MAP3K4: variants seen among roughly 807,000 people sequenced by gnomAD.
MAP3K4 encodes MAP three kinase 1.
A neutral mutation model predicts 185.6 loss-of-function variants in MAP3K4; 67 were observed. That is an observed-to-expected ratio of 0.36 (90% CI 0.30 to 0.44). The LOEUF (loss-of-function observed/expected upper bound fraction) is 0.44, where lower values mean the gene tolerates loss of function less well. MAP3K4 is among the 20% of genes least tolerant of loss of function. MAP3K4 has a pLI of 1.00. For synonymous variants in MAP3K4, 702 were observed against 710.4 expected (o/e 0.99, Z 0.19); for missense variants, 1,551 against 1,995.1 (o/e 0.78, Z 4.24).
intron 2 of MAP3K4, among the ~76,000 whole-genome samples, chr6:161,045,951 G>A (rs924127931): frequency 1.3e-5 from 2 of 152,068 alleles, no homozygotes; most frequent in African/African-American, 4.8e-5. Context: ...TTTCTTGGAT[G>A]TTCTTATCTA....
Position 161,070,458 on chromosome 6 carries a change from T to A in MAP3K4, c.1708-150T>A. Reference sequence around the variant, plus strand: ...GTTGAAAATGTTGAAGTTATTAAATTCATTAAATTATTAAATATTCTTTTC... The same window carrying A: ...GTTGAAAATGTTGAAGTTATTAAATACATTAAATTATTAAATATTCTTTTC... On this transcript the variant is annotated intron_variant, in intron 3 of 26. Coordinates refer to ENST00000392142, the MANE Select transcript of MAP3K4 (RefSeq NM_005922.4). The surrounding 1 kb of genome is among the most constrained non-coding windows in gnomAD (Gnocchi z 4.5). 1.8e-6 allele frequency: 1 copy of A among 552,796 alleles called. No homozygotes were observed. The highest frequency in any genetic ancestry group is 4.2e-5 in the South Asian group (1 of 23,686). The allele number at this position is 552,796 out of a possible 1,614,324, so 34.2% of individuals were successfully genotyped here. A position where few individuals can be genotyped will look rare whatever the true frequency, so the allele number is the denominator to read the frequency against.
At chr6:161,058,384 C>T (rs1351811682) in intron 3 of MAP3K4, among the ~76,000 whole-genome samples, 1 of 152,226 alleles carries the variant, frequency 6.6e-6, no homozygotes, top group Admixed American at 6.5e-5. Flanking sequence ...TTATGGCCAC[C>T]CAAGTACACC....
Position 161,073,710 on chromosome 6 carries a change from C to T in MAP3K4, c.2097+98C>T. Reference sequence around the variant, plus strand: ...TTGTTTTGCAAACAGCGTTGGCATACATATTCAGATAAACTTCTCTAGTAA... The same window carrying T: ...TTGTTTTGCAAACAGCGTTGGCATATATATTCAGATAAACTTCTCTAGTAA... On this transcript the variant is annotated intron_variant, in intron 5 of 26. Coordinates refer to ENST00000392142, the MANE Select transcript of MAP3K4 (RefSeq NM_005922.4). The surrounding 1 kb of genome is among the most constrained non-coding windows in gnomAD (Gnocchi z 4.2). 8.1e-7 allele frequency: 1 copy of T among 1,234,482 alleles called. No homozygotes were observed. Among genetic ancestry groups the T allele is most frequent in the Non-Finnish European group, 1.1e-6 (1 of 897,136 alleles). The allele number at this position is 1,234,482 out of a possible 1,614,324, so 76.5% of individuals were successfully genotyped here.
Position 161,101,832 on chromosome 6 carries a change from A to G in MAP3K4, c.3675-60A>G. ...AATTATTGCTCTAGAAAAATCTCGC[A>G]GATCTTTCATTTTAAGTTCTATTGA... On this transcript the variant is annotated intron_variant, in intron 17 of 26. Transcript: ENST00000392142. The surrounding 1 kb of genome is among the most constrained non-coding windows in gnomAD (Gnocchi z 5.1). The G allele has an allele frequency of 7.0e-7, 1 of 1,427,632 alleles. No homozygotes were observed. The highest frequency in any genetic ancestry group is 9.8e-7 in the Non-Finnish European group (1 of 1,018,444). The allele number at this position is 1,427,632 out of a possible 1,614,324, so 88.4% of individuals were successfully genotyped here.
At chr6:161,005,850 C>G in intron 1 of MAP3K4, among the ~76,000 whole-genome samples, 1 of 152,048 alleles carries the variant, frequency 6.6e-6, no homozygotes, top group East Asian at 1.9e-4. Context: ...TGCAGTGGTG[C>G]AATCTTGGCT....
At chr6:161,042,118 C>T (rs1386530692) in intron 2 of MAP3K4, among the ~76,000 whole-genome samples, 4 of 151,680 alleles carry the variant, frequency 2.6e-5, no homozygotes, top group African/African-American at 9.7e-5. Context: ...GAAAATCTCC[C>T]TTTTGATTAA....
chr6:161,049,427 C>A lies in MAP3K4; in HGVS notation c.1155C>A (p.Asp385Glu). Residue 385 changes from aspartate (D) to glutamate (E), a missense_variant, in exon 3 of 27, where the codon GAC becomes GAA. By Grantham distance (45) the Asp-to-Glu change is conservative. Coordinates refer to ENST00000392142, the MANE Select transcript of MAP3K4 (RefSeq NM_005922.4). The surrounding 1 kb of genome is among the most constrained non-coding windows in gnomAD (Gnocchi z 8.4). ...ACTATGAAAAATATGCTGCAAAAGA[C>A]TTCCAGGACAGGGTGCAGGCACTCT... Reference protein sequence around the residue: ...QKDYEKYAAKDFQDRVQALCL... With the variant: ...QKDYEKYAAKEFQDRVQALCL... The A allele has an allele frequency of 1.2e-5, 19 of 1,614,064 alleles. No homozygotes were observed. The highest frequency in any genetic ancestry group is 1.6e-5 in the Non-Finnish European group (19 of 1,179,956).
intron 1 of MAP3K4, among the ~76,000 whole-genome samples, chr6:161,024,487 T>C (rs1782547558): frequency 6.6e-6 from 1 of 152,224 alleles, no homozygotes; most frequent in Admixed American, 6.5e-5. Flanking sequence ...CCAGATCCCA[T>C]CCAGGGACCA....
Position 161,049,194 on chromosome 6 carries a change from T to C in MAP3K4, c.922T>C (p.Phe308Leu), listed in dbSNP as rs111680846. The C allele has an allele frequency of 6.2e-7, 1 of 1,614,038 alleles. No individual in the cohort carries two copies. The highest frequency in any genetic ancestry group is 8.5e-7 in the Non-Finnish European group (1 of 1,179,908). ...TACTTTCAAAGTCGACTATGGGAGC[T>C]TCGCCTTTGTTAGAGATAGAGCTGG... ...ILTFKVDYGS[F>L]AFVRDRAGFN... Residue 308 changes from phenylalanine to leucine, a missense_variant, in exon 3 of 27, where the codon TTC becomes CTC. This residue lies in a region of MAP3K4 where 69 missense variants were observed against 124.8 expected (regional missense o/e 0.55). Transcript: ENST00000392142. The surrounding 1 kb of genome is among the most constrained non-coding windows in gnomAD (Gnocchi z 8.4).
At chr6:160,995,009 G>A (rs1483760587) in intron 1 of MAP3K4, among the ~76,000 whole-genome samples, 1 of 152,222 alleles carries the variant, frequency 6.6e-6, no homozygotes, top group Admixed American at 6.5e-5. Flanking sequence ...AGTTTTTTAA[G>A]GAATCTCCAT....
In MAP3K4 at chr6:161,098,318, CCTGCTGCTGCTGCTGCTG is replaced by C. The variant is rs5881391; in HGVS notation, c.3581_3598del (p.Ala1194_Ala1199del). 90 of 1,516,786 alleles carry C rather than the reference CCTGCTGCTGCTGCTGCTG, an allele frequency of 5.9e-5. No individual in the cohort carries two copies. In the South Asian group the frequency reaches 8.8e-4, roughly 15 times the overall value. 94.0% of individuals were successfully genotyped at this position (1,516,786 alleles called of 1,614,324 possible). On this transcript the variant is annotated inframe_deletion, in exon 17 of 27. Transcript: ENST00000392142. The surrounding 1 kb of genome is among the most constrained non-coding windows in gnomAD (Gnocchi z 4.4). ...TTCCGACGCGCGGAGCCATGGCAGC[CCTGCTGCTGCTGCTGCTG>C]CTGCTGCTGCTGCTGTTGCTGCCAG... is the stretch of plus-strand genomic sequence containing the variant.
At chr6:161,016,015 T>C (rs1042283878) in intron 1 of MAP3K4, among the ~76,000 whole-genome samples, 6 of 152,234 alleles carry the variant, frequency 3.9e-5, no homozygotes, top group Non-Finnish European at 7.3e-5. Flanking sequence ...TATAAATTCA[T>C]GTATAATGAT....
chr6:161,091,936 A>G lies in MAP3K4; in HGVS notation c.3136-74A>G. The G allele has an allele frequency of 8.1e-7, 1 of 1,228,874 alleles. No homozygotes were observed. Among genetic ancestry groups the G allele is most frequent in the Non-Finnish European group, 1.2e-6 (1 of 862,390 alleles). The allele number at this position is 1,228,874 out of a possible 1,614,324, so 76.1% of individuals were successfully genotyped here. A position where few individuals can be genotyped will look rare whatever the true frequency, so the allele number is the denominator to read the frequency against. ...TTTTTGTTTTTAGAAAACATTTTAG[A>G]CATGGCATTATAGTGTGTGATATTA... On this transcript the variant is annotated intron_variant, in intron 12 of 26. Coordinates refer to ENST00000392142, the MANE Select transcript of MAP3K4 (RefSeq NM_005922.4). This position sits in a 1 kb window ranked among gnomAD's most constrained non-coding sequence, Gnocchi z 5.5.
Position 161,091,954 on chromosome 6 carries a change from T to C in MAP3K4, c.3136-56T>C. The C allele has an allele frequency of 1.4e-6, 2 of 1,410,312 alleles. No homozygotes were observed. Among genetic ancestry groups the C allele is most frequent in the East Asian group, 2.3e-5 (1 of 43,794 alleles). The allele number at this position is 1,410,312 out of a possible 1,614,324, so 87.4% of individuals were successfully genotyped here. On this transcript the variant is annotated intron_variant, in intron 12 of 26. Transcript: ENST00000392142. This position sits in a 1 kb window ranked among gnomAD's most constrained non-coding sequence, Gnocchi z 5.5. ...ATTTTAGACATGGCATTATAGTGTG[T>C]GATATTATTTAATGATCATTTCCTT...
intron 3 of MAP3K4, among the ~76,000 whole-genome samples, chr6:161,068,050 G>A (rs1208439826): frequency 1.3e-5 from 2 of 152,146 alleles, no homozygotes; most frequent in African/African-American, 2.4e-5. Flanking sequence ...ACTTTTATAG[G>A]AGTATTTACC....
At chr6:161,020,855 C>A (rs927367507) in intron 1 of MAP3K4, among the ~76,000 whole-genome samples, 1 of 152,196 alleles carries the variant, frequency 6.6e-6, no homozygotes. Context: ...CATTTCTTTT[C>A]TAAAACTATA....
At position 160,996,506 on chromosome 6, in the gene MAP3K4, T is replaced by C. The variant is rs1029584391; in HGVS notation, c.152+4423T>C. Among the ~76,000 whole-genome samples the C allele has an allele frequency of 6.6e-6, 1 of 152,226 alleles. No individual in the cohort carries two copies. The highest frequency in any genetic ancestry group is 1.5e-5 in the Non-Finnish European group (1 of 68,044). On this transcript the variant is annotated intron_variant, in intron 1 of 26. Transcript: ENST00000392142. This position sits in a 1 kb window ranked among gnomAD's most constrained non-coding sequence, Gnocchi z 4.5. The stretch of plus-strand genomic sequence containing the variant: ...CTGTTATTTAATAATTCCTCATTCC[T>C]CATGACTATGATTTTACTCATAGCA...
Position 161,008,184 on chromosome 6 carries a change from A to G in MAP3K4, c.152+16101A>G, listed in dbSNP as rs1781685743. On this transcript the variant is annotated intron_variant, in intron 1 of 26. Coordinates refer to ENST00000392142, the MANE Select transcript of MAP3K4 (RefSeq NM_005922.4). The surrounding 1 kb of genome is among the most constrained non-coding windows in gnomAD (Gnocchi z 4.1). ...GGAACCTTTGTTGGGTAGCAATTGCATACTCATTTTCACTGGGTGTTTTCT... is the reference window on the plus strand; with the variant it reads ...GGAACCTTTGTTGGGTAGCAATTGCGTACTCATTTTCACTGGGTGTTTTCT... 6.6e-6 allele frequency among the ~76,000 whole-genome samples: 1 copy of G among 152,174 alleles called. No individual in the cohort carries two copies. Among genetic ancestry groups the G allele is most frequent in the Non-Finnish European group, 1.5e-5 (1 of 68,018 alleles).
chr6:161,109,161 T>G lies in MAP3K4; in HGVS notation c.4236+302T>G, dbSNP rs1367064910. 3.4e-6 allele frequency: 2 copies of G among 591,932 alleles called. No individual in the cohort carries two copies. The highest frequency in any genetic ancestry group is 2.9e-6 in the Non-Finnish European group (1 of 340,978). 36.7% of individuals were successfully genotyped at this position (591,932 alleles called of 1,614,324 possible). On this transcript the variant is annotated intron_variant, in intron 22 of 26. Coordinates refer to ENST00000392142, the MANE Select transcript of MAP3K4 (RefSeq NM_005922.4). This position sits in a 1 kb window ranked among gnomAD's most constrained non-coding sequence, Gnocchi z 5.7. ...CTTCTTGTGACTTTTTTTCCGTTTT[T>G]TTGCTGAACCACTGTTGAGTACACT...
Sources: allele counts gnomAD v4.1 joint callset (sites outside exome capture counted in the v4.1 genomes callset), GRCh38; gene constraint gnomAD v4.1.1; regional missense constraint gnomAD v4.1.1; non-coding constraint Gnocchi (gnomAD v3.1); transcripts MANE v1.5; gene names NCBI Gene and HGNC (gene_info 2026-07-23, HGNC 2026-07-21).